PDZD8: variants seen among roughly 807,000 people sequenced by gnomAD.
PDZD8 encodes PDZ domain-containing protein 8.
PDZD8 carries 14 observed loss-of-function variants against 85.8 expected under a neutral mutation model. The observed-to-expected ratio is 0.16, with a 90% confidence interval of 0.11 to 0.26. The LOEUF (loss-of-function observed/expected upper bound fraction) is 0.26, where lower values mean the gene tolerates loss of function less well. PDZD8 is among the 10% of genes least tolerant of loss of function. PDZD8 has a pLI of 1.00. For synonymous variants in PDZD8, 592 were observed against 568.6 expected, an observed-to-expected ratio of 1.04 and a Z score of -0.59; for missense variants, 1,197 against 1,424.3, an observed-to-expected ratio of 0.84 and a Z score of 2.57.
intron 1 of PDZD8, among the ~76,000 whole-genome samples, chr10:117,362,054 G>C (rs1311360136): frequency 2.0e-5 from 3 of 152,074 alleles, no homozygotes; most frequent in East Asian, 3.8e-4. Flanking sequence ...ATGTTTTAAG[G>C]TTATAACTGT....
intron 1 of PDZD8, among the ~76,000 whole-genome samples, chr10:117,371,981 T>A (rs895206444): frequency 1.3e-5 from 2 of 152,158 alleles, no homozygotes; most frequent in Non-Finnish European, 1.5e-5. Flanking sequence ...TTACTAAGTA[T>A]AGCTAATTCA....
At chr10:117,322,047 G>A (rs960512709) in intron 2 of PDZD8, among the ~76,000 whole-genome samples, 4 of 152,116 alleles carry the variant, frequency 2.6e-5, no homozygotes, top group Admixed American at 2.6e-4. Flanking sequence ...AAAAGTTTTT[G>A]TTTTGGATTG....
intron 3 of PDZD8, among the ~76,000 whole-genome samples, chr10:117,309,409 C>A (rs1843997945): frequency 6.7e-6 from 1 of 148,686 alleles, no homozygotes; most frequent in African/African-American, 2.5e-5. Flanking sequence ...AAAAAAAAAA[C>A]ATAGTAGATC....
chr10:117,301,188 T>C (rs578187390), intron 3 of PDZD8, among the ~76,000 whole-genome samples: 25 of 152,198 alleles, frequency 1.6e-4, no homozygotes, highest in African/African-American at 4.6e-4. Flanking sequence ...GGTTTCACCA[T>C]GTTGGCCAGG....
intron 3 of PDZD8, among the ~76,000 whole-genome samples, chr10:117,307,388 T>TAC (rs1354278330): frequency 6.6e-6 from 1 of 152,072 alleles, no homozygotes; most frequent in Non-Finnish European, 1.5e-5. Context: ...TGCTTCATGA[T>TAC]ACTTCCTTTT....
rs34323464 is a variant in PDZD8, at chr10:117,285,036, G to A, written c.1697C>T (p.Pro566Leu). ...IQSKDGNKPP[P>L]LKTSEITDPA... The stretch of plus-strand genomic sequence containing the variant: ...GTCTGTTATCTCAGAAGTTTTTAGG[G>A]GTGGAGGTTTATTTCCATCTTTGGA... Residue 566 changes from proline (P) to leucine (L), a missense_variant, in exon 5 of 5, where the codon CCC (proline) becomes CTC (leucine). Physicochemically the swap from Pro to Leu is moderately conservative, Grantham distance 98. Coordinates refer to ENST00000334464, the MANE Select transcript of PDZD8 (RefSeq NM_173791.5). The A allele has an allele frequency of 3.9e-4, 622 of 1,613,846 alleles. 3 individuals are homozygous for A. The African/African-American group carries it at 4.7e-3, about 12-fold the overall frequency.
At chr10:117,309,778 A>G (rs1045256094) in intron 3 of PDZD8, among the ~76,000 whole-genome samples, 2 of 152,182 alleles carry the variant, frequency 1.3e-5, no homozygotes, top group Non-Finnish European at 2.9e-5. Flanking sequence ...ACATTTTAAT[A>G]TATTTAATCT....
At chr10:117,343,371 C>A (rs1844649777) in intron 1 of PDZD8, among the ~76,000 whole-genome samples, 1 of 152,162 alleles carries the variant, frequency 6.6e-6, no homozygotes, top group South Asian at 2.1e-4. Flanking sequence ...TTTCTCCCAA[C>A]TAAAACGCTA....
At chr10:117,360,977 A>G (rs1467369655) in intron 1 of PDZD8, among the ~76,000 whole-genome samples, 1 of 152,168 alleles carries the variant, frequency 6.6e-6, no homozygotes, top group East Asian at 1.9e-4. Flanking sequence ...GCATATCAGA[A>G]ATTACAAATG....
intron 3 of PDZD8, among the ~76,000 whole-genome samples, chr10:117,301,933 CAT>C (rs1843855013): frequency 6.6e-6 from 1 of 152,090 alleles, no homozygotes; most frequent in Admixed American, 6.5e-5. Context: ...ACTCAAGTAA[CAT>C]GTGGTTCAGT....
At chr10:117,316,151 T>G (rs1282661881) in intron 3 of PDZD8, among the ~76,000 whole-genome samples, 2 of 152,210 alleles carry the variant, frequency 1.3e-5, no homozygotes, top group East Asian at 3.8e-4. Context: ...ATGAGGAATC[T>G]TCATTATTTT....
At chr10:117,323,639 G>C (rs754118034) in intron 2 of PDZD8, among the ~76,000 whole-genome samples, 1 of 152,064 alleles carries the variant, frequency 6.6e-6, no homozygotes, top group Non-Finnish European at 1.5e-5. Flanking sequence ...TGTTGAAAGG[G>C]ACCTGAGGAA....
intron 3 of PDZD8, among the ~76,000 whole-genome samples, chr10:117,305,694 A>G (rs2532781): frequency 0.77 from 116,950 of 152,034 alleles, 45,637 homozygotes; most frequent in Non-Finnish European, 0.85. Flanking sequence ...ATTTCAGAGC[A>G]TTTCAGATTT....
chr10:117,318,856 T>A lies in PDZD8; in HGVS notation c.1098+16A>T. 1 of 1,513,254 alleles carries A rather than the reference T, an allele frequency of 6.6e-7. No homozygotes were observed. The highest frequency in any genetic ancestry group is 9.2e-7 in the Non-Finnish European group (1 of 1,090,800). 93.7% of individuals were successfully genotyped at this position (1,513,254 alleles called of 1,614,324 possible). A position where few individuals can be genotyped will look rare whatever the true frequency, so the allele number is the denominator to read the frequency against. On this transcript the variant is annotated intron_variant, in intron 3 of 4. Transcript: ENST00000334464. ...AGAACTTTATATAGATATAAATCAC[T>A]GTAAATCCATTTTACCGTCTTAATA...
At chr10:117,292,486 A>T in intron 3 of PDZD8, among the ~76,000 whole-genome samples, 1 of 152,294 alleles carries the variant, frequency 6.6e-6, no homozygotes, top group Non-Finnish European at 1.5e-5. Context: ...TTCTAATTGC[A>T]GGAAGCTAAT....
In PDZD8 at chr10:117,277,340, A is replaced by T. The variant is rs542671866; in HGVS notation, c.*5928T>A. The stretch of plus-strand genomic sequence containing the variant: ...TTTCCAGTGACACAACTCATCCAGA[A>T]CTGTCTTAGTCATACCATCCATCCC... On this transcript the variant is annotated 3_prime_UTR_variant, in exon 5 of 5. Transcript: ENST00000334464. 3.3e-6 allele frequency: 3 copies of T among 897,176 alleles called. No homozygotes were observed. Among genetic ancestry groups the T allele is most frequent in the East Asian group, 2.6e-5 (1 of 38,720 alleles). The allele number at this position is 897,176 out of a possible 1,614,324, so 55.6% of individuals were successfully genotyped here.
intron 2 of PDZD8, among the ~76,000 whole-genome samples, chr10:117,324,721 T>A (rs187752712): frequency 1.6e-4 from 25 of 152,350 alleles, no homozygotes; most frequent in Admixed American, 1.5e-3. Context: ...AAGAATAAAT[T>A]ACACGGAACT....
At chr10:117,359,291 C>T (rs1486714474) in intron 1 of PDZD8, among the ~76,000 whole-genome samples, 1 of 151,816 alleles carries the variant, frequency 6.6e-6, no homozygotes, top group African/African-American at 2.4e-5. Flanking sequence ...TGGAGCATGC[C>T]TGTAGTCCCA....
Position 117,291,599 on chromosome 10 carries a change from C to CTAA in PDZD8, c.1099-1254_1099-1252dup, listed in dbSNP as rs1565019056. On this transcript the variant is annotated intron_variant, in intron 3 of 4. Transcript: ENST00000334464. Reference sequence around the variant, plus strand: ...TGGTGCACACCTGTAATCGCAGCTACTAAGGAGGGCTGAGGTGGGAGGACC... The same window carrying CTAA: ...TGGTGCACACCTGTAATCGCAGCTACTAATAAGGAGGGCTGAGGTGGGAGGACC... Among the ~76,000 whole-genome samples the CTAA allele has an allele frequency of 2.6e-5, 4 of 151,420 alleles. No homozygotes were observed. In the South Asian group the frequency reaches 8.4e-4, roughly 32 times the overall value.
Sources: allele counts gnomAD v4.1 joint callset (sites outside exome capture counted in the v4.1 genomes callset), GRCh38; gene constraint gnomAD v4.1.1; transcripts MANE v1.5; gene names NCBI Gene and HGNC (gene_info 2026-07-23, HGNC 2026-07-21).